The following PPP1R16B variants were observed in gnomAD, a reference collection of about 807,000 sequenced individuals.
The protein encoded by PPP1R16B is protein phosphatase 1 regulatory subunit 16B, also known as protein phosphatase 1 regulatory inhibitor subunit 16B.
PPP1R16B carries 14 observed loss-of-function variants against 61.7 expected under a neutral mutation model. The observed-to-expected ratio is 0.23, with a 90% confidence interval of 0.15 to 0.35. PPP1R16B has a LOEUF of 0.35. PPP1R16B is among the 10% of genes least tolerant of loss of function. The pLI, the probability that PPP1R16B is intolerant of heterozygous loss-of-function variation, is 1.00. For synonymous variants in PPP1R16B, 266 were observed against 305.3 expected, an observed-to-expected ratio of 0.87 and a Z score of 1.34; for missense variants, 547 against 752.5, an observed-to-expected ratio of 0.73 and a Z score of 3.19.
chr20:38,917,319 T>C (rs1312484674), intron 10 of PPP1R16B, among the ~76,000 whole-genome samples: 1 of 152,118 alleles, frequency 6.6e-6, no homozygotes, highest in South Asian at 2.1e-4. Context: ...AAAGGACTTT[T>C]AAGAGCTCTT....
chr20:38,902,635 G>T (rs1032146533), intron 5 of PPP1R16B, 33 bp from the exon 6 acceptor site: 1 of 1,613,778 alleles, frequency 6.2e-7, no homozygotes, highest in African/African-American at 1.3e-5. Flanking sequence ...TAGGCCTGAG[G>T]GTGCTAAATA....
chr20:38,886,123 G>T (rs2145756876), intron 2 of PPP1R16B, among the ~76,000 whole-genome samples: 1 of 152,258 alleles, frequency 6.6e-6, no homozygotes, highest in African/African-American at 2.4e-5. Flanking sequence ...AACTCTAGAG[G>T]CAGGGAGCCC....
At chr20:38,893,866 G>A (rs2085311435) in intron 3 of PPP1R16B, among the ~76,000 whole-genome samples, 1 of 152,112 alleles carries the variant, frequency 6.6e-6, no homozygotes, top group Admixed American at 6.5e-5. Context: ...GCGGTCTCTA[G>A]GGGTTGGATT....
intron 2 of PPP1R16B, among the ~76,000 whole-genome samples, chr20:38,886,505 C>A (rs1404009209): frequency 6.6e-6 from 1 of 152,204 alleles, no homozygotes; most frequent in Non-Finnish European, 1.5e-5. Flanking sequence ...CATCCAGAAA[C>A]CCATCCTAGT....
chr20:38,877,182 A>C (rs913333738), intron 2 of PPP1R16B, among the ~76,000 whole-genome samples: 2 of 152,236 alleles, frequency 1.3e-5, no homozygotes, highest in Non-Finnish European at 2.9e-5. Context: ...ACTTATAAAC[A>C]ATATGCATAT....
rs1447617978 is a variant in PPP1R16B at position 38,900,662 on chromosome 20, C to A, written c.549C>A (p.Ile183=). The change falls in exon 5 of 11, where the codon ATC becomes ATA. Residue 183 remains isoleucine, a synonymous_variant. Coordinates refer to ENST00000299824, the MANE Select transcript of PPP1R16B (RefSeq NM_015568.4). ...AGGATGAACCCACCCTGGATGTCAT[C>A]GAGACCTGCATGGCATACCAGGGTA... The part of the protein sequence containing the change: ...LCEDEPTLDV[I]ETCMAYQGIT... 1.0e-5 allele frequency: 16 copies of A among 1,592,006 alleles called. No individual in the cohort carries two copies. Among genetic ancestry groups the A allele is most frequent in the Non-Finnish European group, 1.3e-5 (15 of 1,171,226 alleles).
intron 1 of PPP1R16B, among the ~76,000 whole-genome samples, chr20:38,829,351 TG>T (rs2084822610): frequency 6.6e-6 from 1 of 152,228 alleles, no homozygotes; most frequent in South Asian, 2.1e-4. Flanking sequence ...AGATACTTCC[TG>T]GATGACCTCA....
At chr20:38,889,816 T>A (rs961351289) in intron 3 of PPP1R16B, 151 bp downstream of exon 3, 1 of 834,646 alleles carries the variant, frequency 1.2e-6, no homozygotes. Context: ...AAGGCTCTTG[T>A]CTACTTTGGA....
rs1036390072 is a variant in PPP1R16B at position 38,918,732 on chromosome 20, C to T, written c.*66C>T. ...CCTGGAATCCAGGCCAGCCCAACAG[C>T]CCTGGCTGGGGAGGTGTCAGGGCAG... On this transcript the variant is annotated 3_prime_UTR_variant, in exon 11 of 11. Coordinates refer to ENST00000299824, the MANE Select transcript of PPP1R16B (RefSeq NM_015568.4). This position sits in a 1 kb window ranked among gnomAD's most constrained non-coding sequence, Gnocchi z 5.3. 6.9e-7 allele frequency: 1 copy of T among 1,451,198 alleles called. No homozygotes were observed. Among genetic ancestry groups the T allele is most frequent in the Non-Finnish European group, 9.1e-7 (1 of 1,100,954 alleles). 89.9% of individuals were successfully genotyped at this position (1,451,198 alleles called of 1,614,324 possible). A position where few individuals can be genotyped will look rare whatever the true frequency, so the allele number is the denominator to read the frequency against.
chr20:38,887,065 G>T (rs1229394105), intron 2 of PPP1R16B, among the ~76,000 whole-genome samples: 2 of 152,174 alleles, frequency 1.3e-5, no homozygotes, highest in Non-Finnish European at 2.9e-5. Flanking sequence ...GTGTGTGTGT[G>T]TGTGTGTTAG....
intron 2 of PPP1R16B, chr20:38,838,462 G>C (rs535031230): frequency 6.6e-6 from 1 of 152,288 alleles, no homozygotes; most frequent in Non-Finnish European, 1.5e-5. Context: ...CGAGCCAAGA[G>C]GCATCCCTGG....
intron 2 of PPP1R16B, among the ~76,000 whole-genome samples, chr20:38,855,850 G>T (rs533220824): frequency 2.0e-4 from 29 of 143,104 alleles, no homozygotes; most frequent in African/African-American, 7.1e-4. Context: ...AAGATAATAG[G>T]CAGGACATCG....
intron 2 of PPP1R16B, among the ~76,000 whole-genome samples, chr20:38,845,728 G>A (rs899866221): frequency 3.3e-5 from 5 of 152,116 alleles, no homozygotes; most frequent in Admixed American, 1.3e-4. Context: ...CATACTGACC[G>A]TAGAAGACTA....
At chr20:38,810,349 C>G (rs1038193589) in intron 1 of PPP1R16B, among the ~76,000 whole-genome samples, 8 of 152,244 alleles carry the variant, frequency 5.3e-5, no homozygotes, top group Admixed American at 5.2e-4. Flanking sequence ...AAGGATTAAA[C>G]ACTCACTGAC....
rs773451691 is a variant in PPP1R16B, at chr20:38,906,191, G to T, written c.822+97G>T. On this transcript the variant is annotated intron_variant, in intron 7 of 10. Transcript: ENST00000299824. ...TGGCAGTTGTTTTCAAAGAACATAAGACTTTAAGGCTTAAGGTGTTGAATA... is the reference window on the plus strand; with the variant it reads ...TGGCAGTTGTTTTCAAAGAACATAATACTTTAAGGCTTAAGGTGTTGAATA... 3 of 1,344,938 alleles carry T rather than the reference G, an allele frequency of 2.2e-6. No homozygotes were observed. The African/African-American group carries it at 4.4e-5, about 20-fold the overall frequency. The allele number at this position is 1,344,938 out of a possible 1,614,324, so 83.3% of individuals were successfully genotyped here. A position where few individuals can be genotyped will look rare whatever the true frequency, so the allele number is the denominator to read the frequency against.
In PPP1R16B at chr20:38,907,125, T is replaced by A; in HGVS notation, c.898+71T>A. The A allele has an allele frequency of 8.3e-7, 1 of 1,198,388 alleles. No homozygotes were observed. Among genetic ancestry groups the A allele is most frequent in the Non-Finnish European group, 1.2e-6 (1 of 804,200 alleles). The allele number at this position is 1,198,388 out of a possible 1,614,324, so 74.2% of individuals were successfully genotyped here. ...ATGTTTTGATGGGTAGAGGGAGAAA[T>A]AGATAAATATATGGTTGTATAGATT... On this transcript the variant is annotated intron_variant, in intron 8 of 10. Coordinates refer to ENST00000299824, the MANE Select transcript of PPP1R16B (RefSeq NM_015568.4). The surrounding 1 kb of genome is among the most constrained non-coding windows in gnomAD (Gnocchi z 4.5).
intron 1 of PPP1R16B, among the ~76,000 whole-genome samples, chr20:38,826,115 CTG>C (rs2145713085): frequency 2.0e-5 from 3 of 152,320 alleles, no homozygotes; most frequent in South Asian, 4.1e-4. Flanking sequence ...AATTTAATAA[CTG>C]TGTAACCCAG....
chr20:38,906,822 T>C (rs1014614127), intron 7 of PPP1R16B, among the ~76,000 whole-genome samples, 157 bp from the exon 8 acceptor site: 3 of 152,190 alleles, frequency 2.0e-5, no homozygotes, highest in African/African-American at 7.2e-5. Context: ...TCTGTCTGGA[T>C]TCCCCCCATG....
chr20:38,859,018 G>A (rs2085028346), intron 2 of PPP1R16B, among the ~76,000 whole-genome samples: 1 of 152,148 alleles, frequency 6.6e-6, no homozygotes, highest in African/African-American at 2.4e-5. Context: ...AGAGCTCCAA[G>A]AGCAAATGTC....
Sources: allele counts gnomAD v4.1 joint callset (sites outside exome capture counted in the v4.1 genomes callset), GRCh38; gene constraint gnomAD v4.1.1; non-coding constraint Gnocchi (gnomAD v3.1); transcripts MANE v1.5; gene names NCBI Gene and HGNC (gene_info 2026-07-23, HGNC 2026-07-21).